Variants in DTHD1 observed in about 807,000 individuals in gnomAD.
DTHD1 encodes the protein death domain containing 1.
Under a neutral mutation model 74.8 loss-of-function variants are expected in DTHD1, and 59 were observed. The observed-to-expected ratio is 0.79, with a 90% CI of 0.64 to 0.98. DTHD1 has a LOEUF of 0.98. Ranked by LOEUF, DTHD1 falls within the 50% of genes least tolerant of loss-of-function variation. The pLI, the probability that DTHD1 is intolerant of heterozygous loss-of-function variation, is 0.00. For synonymous variants in DTHD1, 365 were observed against 371.1 expected (o/e 0.98, Z 0.19); for missense variants, 1,051 against 1,065.4 (o/e 0.99, Z 0.19).
chr4:36,299,343 T>A (rs1756626010), intron 5 of DTHD1, among the ~76,000 whole-genome samples: 2 of 152,210 alleles, frequency 1.3e-5, no homozygotes, highest in African/African-American at 2.4e-5. Flanking sequence ...TCCACTTCTT[T>A]GGAGATATTA....
chr4:36,313,007 T>C (rs896520171), intron 7 of DTHD1, among the ~76,000 whole-genome samples: 1 of 152,168 alleles, frequency 6.6e-6, no homozygotes, highest in African/African-American at 2.4e-5. Flanking sequence ...TGGGTTACAA[T>C]ATAGAAATAC....
chr4:36,299,246 T>A (rs190837214), intron 5 of DTHD1, among the ~76,000 whole-genome samples: 4 of 152,300 alleles, frequency 2.6e-5, no homozygotes, highest in Admixed American at 6.5e-5. Context: ...TCTGGTTTGT[T>A]TGGGAGAGAG....
intron 1 of DTHD1, among the ~76,000 whole-genome samples, 185 bp downstream of exon 1, chr4:36,282,214 C>T (rs377708066): frequency 6.6e-6 from 1 of 151,972 alleles, no homozygotes; most frequent in Non-Finnish European, 1.5e-5. Flanking sequence ...GGGGCCAGTC[C>T]CATTAGAAAC....
chr4:36,339,024 A>C (rs1485437447), intron 8 of DTHD1, 88 bp from the exon 9 acceptor site: 2 of 1,057,216 alleles, frequency 1.9e-6, no homozygotes, highest in Non-Finnish European at 2.8e-6. Context: ...TCTTCGAAAC[A>C]GAGATGATGT....
At chr4:36,302,033 G>A (rs1439889961) in intron 5 of DTHD1, among the ~76,000 whole-genome samples, 1 of 151,980 alleles carries the variant, frequency 6.6e-6, no homozygotes, top group Non-Finnish European at 1.5e-5. Flanking sequence ...GGCATGTTGG[G>A]GGCCAGGGTG....
intron 2 of DTHD1, among the ~76,000 whole-genome samples, chr4:36,289,095 G>A (rs1184723206): frequency 1.3e-5 from 2 of 152,068 alleles, no homozygotes; most frequent in Non-Finnish European, 1.5e-5. Context: ...CTATTTACAA[G>A]TAATTGAAAA....
In DTHD1 at chr4:36,316,343, T is replaced by C. The variant is rs60640167; in HGVS notation, c.2197T>C (p.Tyr733His). Reference sequence around the variant, plus strand: ...CAAAGAAGTGGACGAATTTGGAAACTATAGTTGCCCTCATTACAAAGGCAC... The same window carrying C: ...CAAAGAAGTGGACGAATTTGGAAACCATAGTTGCCCTCATTACAAAGGCAC... ...QIKEVDEFGN[Y>H]SCPHYKGTIV... Residue 733 changes from tyrosine to histidine, a missense_variant, in exon 8 of 10, where the codon TAT becomes CAT. Physicochemically the swap from Tyr to His is moderately conservative, Grantham distance 83. Transcript: ENST00000639862. 0.04 allele frequency: 62,071 copies of C among 1,552,092 alleles called. 1,846 individuals carry two copies. The highest frequency in any genetic ancestry group is 0.13 in the South Asian group (10,614 of 84,052).
intron 8 of DTHD1, among the ~76,000 whole-genome samples, chr4:36,329,354 A>G (rs7684936): frequency 0.73 from 111,127 of 152,110 alleles, 41,378 homozygotes; most frequent in African/African-American, 0.86. Flanking sequence ...GATTTTGAAT[A>G]CTTTGCCACT....
rs28676934 is a variant in DTHD1, at chr4:36,342,095, G to T, written c.2399-1407G>T. 9.5e-3 allele frequency among the ~76,000 whole-genome samples: 1,453 copies of T among 152,336 alleles called. 23 individuals carry two copies. The highest frequency in any genetic ancestry group is 0.033 in the African/African-American group (1,369 of 41,562). On this transcript the variant is annotated intron_variant, in intron 9 of 9. Transcript: ENST00000639862. ...CAAAATTAAGAAACTGGGGTCGGAG[G>T]TGTGAATGATGATCCGCAGGGCTGC...
intron 9 of DTHD1, among the ~76,000 whole-genome samples, chr4:36,342,154 G>A (rs575935669): frequency 1.3e-3 from 197 of 152,308 alleles, no homozygotes; most frequent in African/African-American, 4.5e-3. Flanking sequence ...TGCTGATGAC[G>A]TGGATGGGAC....
chr4:36,308,217 C>T lies in DTHD1; in HGVS notation c.1819C>T (p.His607Tyr), dbSNP rs749054756. The T allele has an allele frequency of 1.9e-5, 30 of 1,552,038 alleles. 1 individual carries two copies. In the South Asian group the frequency reaches 2.7e-4, roughly 14 times the overall value. Residue 607 changes from histidine to tyrosine, a missense_variant, in exon 7 of 10, where the codon CAC (histidine) becomes TAC (tyrosine). His to Tyr is a moderately conservative substitution (Grantham distance 83, BLOSUM62 2). Transcript: ENST00000639862. ...YEHLERFIVL[H>Y]LSSTMDNSHL... ...TCTTCCATGCAGGTTTATTGTACTT[C>T]ACCTCTCTTCCACCATGGACAATAG...
chr4:36,282,085 G>T, intron 1 of DTHD1, 56 bp downstream of exon 1: 1 of 1,423,844 alleles, frequency 7.0e-7, no homozygotes, highest in Non-Finnish European at 9.4e-7. Flanking sequence ...ATTAGGGCAA[G>T]ATCTGAGAGG....
intron 7 of DTHD1, among the ~76,000 whole-genome samples, chr4:36,310,955 T>G (rs1372665940): frequency 6.6e-6 from 1 of 152,076 alleles, no homozygotes; most frequent in African/African-American, 2.4e-5. Flanking sequence ...TGGAGAAATC[T>G]CTCTACTGAG....
chr4:36,333,796 G>T (rs929901242), intron 8 of DTHD1: 2 of 152,332 alleles, frequency 1.3e-5, no homozygotes, highest in Non-Finnish European at 2.9e-5. Context: ...GGGCTGCATG[G>T]TCCAGCTGAG....
At chr4:36,311,013 A>G (rs1441012615) in intron 7 of DTHD1, among the ~76,000 whole-genome samples, 1 of 152,110 alleles carries the variant, frequency 6.6e-6, no homozygotes, top group Non-Finnish European at 1.5e-5. Flanking sequence ...GATGCAAATG[A>G]TTTTCCTGTA....
At chr4:36,332,084 C>CCTCA (rs1758713865) in intron 8 of DTHD1, among the ~76,000 whole-genome samples, 1 of 152,042 alleles carries the variant, frequency 6.6e-6, no homozygotes, top group South Asian at 2.1e-4. Context: ...GAGTTCAAGG[C>CCTCA]TGAGGCAGGA....
At chr4:36,282,380 T>C (rs1340900662) in intron 1 of DTHD1, among the ~76,000 whole-genome samples, 1 of 152,166 alleles carries the variant, frequency 6.6e-6, no homozygotes, top group Admixed American at 6.6e-5. Context: ...GTAATTTTAG[T>C]AGGATCCAAG....
chr4:36,309,365 T>A (rs1757247485), intron 7 of DTHD1, among the ~76,000 whole-genome samples: 1 of 152,182 alleles, frequency 6.6e-6, no homozygotes, highest in African/African-American at 2.4e-5. Flanking sequence ...GGCAGGAGAA[T>A]CACTTGAACC....
rs147958107 is a variant in DTHD1, at chr4:36,341,412, G to T, written c.2399-2090G>T. 8.1e-4 allele frequency among the ~76,000 whole-genome samples: 123 copies of T among 152,290 alleles called. 4 individuals carry two copies. The East Asian group carries it at 0.023, about 28-fold the overall frequency. ...AAAGTAATTTTGAAATGAAAACAAA[G>T]TTAGGAGAACTCAAGTCAAATGGCT... On this transcript the variant is annotated intron_variant, in intron 9 of 9. Coordinates refer to ENST00000639862, the MANE Select transcript of DTHD1 (RefSeq NM_001170700.3).
Sources: gnomAD v4.1 joint callset for allele counts (sites outside exome capture counted in the v4.1 genomes callset) on GRCh38, gnomAD v4.1.1 for gene constraint, MANE v1.5 for transcripts, NCBI Gene and HGNC (gene_info 2026-07-23, HGNC 2026-07-21) for gene names.